The following SPARCL1 variants were observed in gnomAD, a reference collection of about 807,000 sequenced individuals.
SPARCL1 encodes the protein SPARC-like protein 1.
SPARCL1 carries 52 observed loss-of-function variants against 67.1 expected under a neutral mutation model. The ratio of observed to expected loss-of-function variants is 0.78; its 90% CI spans 0.62 to 0.98. The LOEUF is 0.98. Ranked by LOEUF, SPARCL1 falls within the 50% of genes least tolerant of loss-of-function variation. The pLI, the probability that SPARCL1 is intolerant of heterozygous loss-of-function variation, is 0.00. For missense variants in SPARCL1, 717 were observed against 782.4 expected, an observed-to-expected ratio of 0.92 and a Z score of 1.00; for synonymous variants, 226 against 267.8, an observed-to-expected ratio of 0.84 and a Z score of 1.52.
intron 1 of SPARCL1, among the ~76,000 whole-genome samples, chr4:87,527,592 T>C (rs1382772938): frequency 2.0e-5 from 3 of 152,178 alleles, no homozygotes; most frequent in African/African-American, 7.2e-5. Context: ...TTAGTTGATA[T>C]GTGAATCTGT....
At chr4:87,499,106 C>G (rs559410203) in intron 2 of SPARCL1, among the ~76,000 whole-genome samples, 1 of 152,224 alleles carries the variant, frequency 6.6e-6, no homozygotes, top group East Asian at 1.9e-4. Context: ...GAGCTCCTGA[C>G]CTCAGGTGAT....
chr4:87,473,953 G>A, intron 10 of SPARCL1, 150 bp from the exon 11 acceptor site: 2 of 577,990 alleles, frequency 3.5e-6, no homozygotes, highest in Admixed American at 5.9e-5. Context: ...CATCACTCAT[G>A]AACTTTTACA....
chr4:87,479,300 G>A (rs929870184), intron 10 of SPARCL1, 130 bp downstream of exon 10: 13 of 931,016 alleles, frequency 1.4e-5, no homozygotes, highest in Admixed American at 6.9e-5. Flanking sequence ...GTCCTATCTG[G>A]GAAGCTGCCA....
intron 1 of SPARCL1, among the ~76,000 whole-genome samples, chr4:87,526,689 T>C (rs1273620306): frequency 1.3e-5 from 2 of 152,230 alleles, no homozygotes; most frequent in East Asian, 1.9e-4. Context: ...GGCATACACC[T>C]GGCATTCATA....
chr4:87,508,782 A>ATGTGTGTGTG lies in SPARCL1; in HGVS notation c.-11-9207_-11-9198dup, dbSNP rs71667857. On this transcript the variant is annotated intron_variant, in intron 1 of 10. Coordinates refer to ENST00000282470, the MANE Select transcript of SPARCL1 (RefSeq NM_004684.6). ...GAGACAGGAACCGTGGATGAAACAT[A>ATGTGTGTGTG]TGTGTGTGTGTGTGTGTGTGTGTGT... Among the ~76,000 whole-genome samples, 467 of 140,102 alleles carry ATGTGTGTGTG rather than the reference A, an allele frequency of 3.3e-3. 3 individuals are homozygous for ATGTGTGTGTG. The highest frequency in any genetic ancestry group is 9.6e-3 in the African/African-American group (363 of 37,886). The allele number at this position is 140,102 out of a possible 152,430, so 91.9% of individuals were successfully genotyped here. A position where few individuals can be genotyped will look rare whatever the true frequency, so the allele number is the denominator to read the frequency against.
intron 1 of SPARCL1, among the ~76,000 whole-genome samples, chr4:87,519,074 C>CT (rs575830674): frequency 0.032 from 4,636 of 145,508 alleles, 121 homozygotes; most frequent in African/African-American, 0.061. Flanking sequence ...AAGTCCCTAT[C>CT]TTTTTTTTTT....
rs1553970821 is a variant in SPARCL1 at position 87,508,889 on chromosome 4, G to GTATACATA, written c.-11-9305_-11-9304insTATGTATA. Among the ~76,000 whole-genome samples the GTATACATA allele has an allele frequency of 2.2e-5, 3 of 138,360 alleles. No individual in the cohort carries two copies. In the Admixed American group the frequency reaches 2.2e-4, roughly 10 times the overall value. 90.8% of individuals were successfully genotyped at this position (138,360 alleles called of 152,430 possible). A position where few individuals can be genotyped will look rare whatever the true frequency, so the allele number is the denominator to read the frequency against. On this transcript the variant is annotated intron_variant, in intron 1 of 10. Coordinates refer to ENST00000282470, the MANE Select transcript of SPARCL1 (RefSeq NM_004684.6). ...TACATATATAGATACATGTATATAA[G>GTATACATA]TATATATATATATATATAGTATACA...
chr4:87,509,775 GTC>G (rs1037007429), intron 1 of SPARCL1, among the ~76,000 whole-genome samples: 14 of 152,356 alleles, frequency 9.2e-5, no homozygotes, highest in African/African-American at 3.1e-4. Context: ...TATTGTAAGT[GTC>G]TGTGTGTGCA....
intron 10 of SPARCL1, among the ~76,000 whole-genome samples, chr4:87,477,976 CTATT>C (rs1175341971): frequency 1.3e-5 from 2 of 152,188 alleles, no homozygotes; most frequent in Non-Finnish European, 2.9e-5. Context: ...CTCTGCTTAC[CTATT>C]TATTAATAAG....
intron 1 of SPARCL1, 149 bp from the exon 2 acceptor site, chr4:87,499,734 G>T: frequency 1.5e-6 from 1 of 688,912 alleles, no homozygotes; most frequent in Non-Finnish European, 2.5e-6. Flanking sequence ...TGAAAAGACA[G>T]ATTGATGGCA....
chr4:87,509,596 G>A (rs1725260335), intron 1 of SPARCL1, among the ~76,000 whole-genome samples: 1 of 152,212 alleles, frequency 6.6e-6, no homozygotes, highest in Non-Finnish European at 1.5e-5. Context: ...AGTTGCAGAA[G>A]CATCGAGTCT....
chr4:87,498,898 G>T lies in SPARCL1; in HGVS notation c.54+623C>A, dbSNP rs2110234715. ...CTAAGTATTTTTTTTTTTTCAGACG[G>T]AGTCTCACTCTGTTGCCCAGGCTGG... is the stretch of plus-strand genomic sequence containing the variant. On this transcript the variant is annotated intron_variant, in intron 2 of 10. Coordinates refer to ENST00000282470, the MANE Select transcript of SPARCL1 (RefSeq NM_004684.6). Among the ~76,000 whole-genome samples, 5 of 151,572 alleles carry T rather than the reference G, an allele frequency of 3.3e-5. 1 individual carries two copies. In the Middle Eastern group the frequency reaches 0.014, roughly 412 times the overall value.
At chr4:87,517,387 C>T (rs764278979) in intron 1 of SPARCL1, among the ~76,000 whole-genome samples, 14 of 152,178 alleles carry the variant, frequency 9.2e-5, no homozygotes, top group Non-Finnish European at 1.9e-4. Context: ...GATGGCTCAC[C>T]TAAAGTCCTG....
chr4:87,494,821 C>A (rs1032304446), intron 3 of SPARCL1, among the ~76,000 whole-genome samples, 160 bp downstream of exon 3: 1 of 152,132 alleles, frequency 6.6e-6, no homozygotes, highest in Non-Finnish European at 1.5e-5. Flanking sequence ...ACTCATTAAT[C>A]CTCATCATTC....
At chr4:87,482,836 T>C (rs1413031422) in intron 7 of SPARCL1, among the ~76,000 whole-genome samples, 3 of 152,194 alleles carry the variant, frequency 2.0e-5, no homozygotes, top group Admixed American at 1.3e-4. Flanking sequence ...CCAAGATCTA[T>C]TTGGATGTGC....
intron 7 of SPARCL1, among the ~76,000 whole-genome samples, chr4:87,488,507 T>G (rs1331684542): frequency 6.6e-6 from 1 of 152,062 alleles, no homozygotes; most frequent in African/African-American, 2.4e-5. Context: ...CAGCCAGAGC[T>G]CTCCTGTATG....
rs1265581773 is a variant in SPARCL1 at position 87,493,709 on chromosome 4, G to A, written c.1091C>T (p.Pro364Leu). The A allele has an allele frequency of 6.2e-7, 1 of 1,614,090 alleles. No homozygotes were observed. Among genetic ancestry groups the A allele is most frequent in the Admixed American group, 1.7e-5 (1 of 59,998 alleles). Residue 364 changes from proline (P) to leucine (L), a missense_variant, in exon 4 of 11, where the codon CCA (proline) becomes CTA (leucine). Pro to Leu is a moderately conservative substitution (Grantham distance 98, BLOSUM62 -3). Transcript: ENST00000282470. Reference protein sequence around the residue: ...RHSASDDYFIPSQAFLEAERA... With the variant: ...RHSASDDYFILSQAFLEAERA... ...CTCGGCCTCCAGAAAGGCCTGGCTT[G>A]GGATGAAGTAGTCATCACTTGCACT...
chr4:87,486,446 T>C (rs933182958), intron 7 of SPARCL1, among the ~76,000 whole-genome samples: 14 of 152,318 alleles, frequency 9.2e-5, no homozygotes, highest in African/African-American at 3.1e-4. Context: ...ATGATTTCCA[T>C]TCTTTCACAT....
intron 4 of SPARCL1, among the ~76,000 whole-genome samples, chr4:87,492,239 G>A (rs1724376415): frequency 6.6e-6 from 1 of 152,074 alleles, no homozygotes; most frequent in Non-Finnish European, 1.5e-5. Flanking sequence ...CCAACAAGGT[G>A]AAACCCTGTC....
Sources: gnomAD v4.1 joint callset for allele counts (sites outside exome capture counted in the v4.1 genomes callset) on GRCh38, gnomAD v4.1.1 for gene constraint, MANE v1.5 for transcripts, NCBI Gene and HGNC (gene_info 2026-07-23, HGNC 2026-07-21) for gene names.